Variants in ALG14 observed in about 807,000 individuals in gnomAD.
ALG14 encodes UDP-N-acetylglucosamine transferase subunit ALG14.
In ALG14, 17 loss-of-function variants were observed where a neutral mutation model predicts 22.8. The observed-to-expected ratio is 0.75, with a 90% confidence interval of 0.51 to 1.12. ALG14 has a LOEUF of 1.12. Ranked by LOEUF, ALG14 falls within the 50% of genes most tolerant of loss-of-function variation. The pLI is 0.00. For missense variants in ALG14, 288 were observed against 271.8 expected (o/e 1.06, Z -0.42); for synonymous variants, 89 against 103.7 (o/e 0.86, Z 0.86).
intron 3 of ALG14, among the ~76,000 whole-genome samples, chr1:94,986,111 A>G (rs749632088): frequency 7.2e-5 from 11 of 152,258 alleles, no homozygotes; most frequent in Non-Finnish European, 1.3e-4. Flanking sequence ...GTTAAATGAT[A>G]TAATGATTGG....
Position 94,983,220 on chromosome 1 carries a change from A to G in ALG14, c.507T>C (p.Ile169=). ...CACGGCAGATGCTTTCAACGTAGAC[A>G]ATGATCACTTTCTTTATTCCTAGTA... ...LGILGIKKVI[I]VYVESICRVE... Residue 169 remains isoleucine, a synonymous_variant, in exon 4 of 4, where the codon ATT becomes ATC. Coordinates refer to ENST00000370205, the MANE Select transcript of ALG14 (RefSeq NM_144988.4). 3 of 1,614,170 alleles carry G rather than the reference A, an allele frequency of 1.9e-6. No individual in the cohort carries two copies. Among genetic ancestry groups the G allele is most frequent in the East Asian group, 2.2e-5 (1 of 44,880 alleles).
At chr1:94,989,632 C>T (rs961367403) in intron 3 of ALG14, among the ~76,000 whole-genome samples, 2 of 152,214 alleles carry the variant, frequency 1.3e-5, no homozygotes, top group East Asian at 1.9e-4. Context: ...CCAGCTGCAG[C>T]GTTCACTGTC....
chr1:95,019,541 G>A (rs1673596163), intron 3 of ALG14, among the ~76,000 whole-genome samples: 1 of 152,120 alleles, frequency 6.6e-6, no homozygotes, highest in Non-Finnish European at 1.5e-5. Flanking sequence ...ATAATTATTT[G>A]CCCATGTATC....
At chr1:95,000,620 C>T (rs75083550) in intron 3 of ALG14, among the ~76,000 whole-genome samples, 43 of 149,934 alleles carry the variant, frequency 2.9e-4, no homozygotes, top group Non-Finnish European at 6.2e-4. Context: ...ACCAGTTGTG[C>T]ACTTCTAAAG....
Position 95,001,146 on chromosome 1 carries a change from C to T in ALG14, c.421-17840G>A, listed in dbSNP as rs28673678. ...CCGTGGAGGGAAGGGAATTTCCAAG[C>T]CCCAGGTGGGAAGAGTACAGTCTCT... is the stretch of plus-strand genomic sequence containing the variant. On this transcript the variant is annotated intron_variant, in intron 3 of 3. Transcript: ENST00000370205. 3.2e-3 allele frequency among the ~76,000 whole-genome samples: 485 copies of T among 152,276 alleles called. 1 individual carries two copies. Among genetic ancestry groups the T allele is most frequent in the African/African-American group, 0.011 (468 of 41,556 alleles).
intron 3 of ALG14, among the ~76,000 whole-genome samples, chr1:94,995,267 ATG>A (rs919662167): frequency 3.9e-5 from 6 of 152,206 alleles, no homozygotes; most frequent in African/African-American, 1.4e-4. Flanking sequence ...GATTCTGTGC[ATG>A]TGTGTGTGTT....
rs189834753 is a variant in ALG14, at chr1:95,053,281, T to A, written c.288+11585A>T. 2.9e-3 allele frequency among the ~76,000 whole-genome samples: 434 copies of A among 152,056 alleles called. 1 individual carries two copies. The highest frequency in any genetic ancestry group is 3.7e-3 in the Non-Finnish European group (250 of 67,960). On this transcript the variant is annotated intron_variant, in intron 2 of 3. Transcript: ENST00000370205. Reference sequence around the variant, plus strand: ...ATGTTAGATAAAATAGATTTTTTTTTAAAAAAAGCATTATTAGGGATAAAA... The same window carrying A: ...ATGTTAGATAAAATAGATTTTTTTTAAAAAAAAGCATTATTAGGGATAAAA...
chr1:95,051,387 G>A (rs1432982595), intron 2 of ALG14, among the ~76,000 whole-genome samples: 4 of 151,932 alleles, frequency 2.6e-5, no homozygotes, highest in South Asian at 2.1e-4. Context: ...TCCTTCTCCC[G>A]CATCCACTCC....
At chr1:95,024,826 C>T (rs1673766384) in intron 3 of ALG14, among the ~76,000 whole-genome samples, 1 of 152,174 alleles carries the variant, frequency 6.6e-6, no homozygotes, top group Admixed American at 6.5e-5. Flanking sequence ...CTACTTCCAT[C>T]ACCTCTGCAA....
At position 94,983,231 on chromosome 1, in the gene ALG14, T is replaced by C; in HGVS notation, c.496A>G (p.Lys166Glu). ...CTTTCAACGTAGACAATGATCACTT[T>C]CTTTATTCCTAGTATCCCAAGGAGA... Reference protein sequence around the residue: ...ALLLGILGIKKVIIVYVESIC... With the variant: ...ALLLGILGIKEVIIVYVESIC... Residue 166 changes from lysine (K) to glutamate (E), a missense_variant, in exon 4 of 4, where the codon AAA (lysine) becomes GAA (glutamate). Physicochemically the swap from Lys to Glu is moderately conservative, Grantham distance 56. Coordinates refer to ENST00000370205, the MANE Select transcript of ALG14 (RefSeq NM_144988.4). 1 of 1,614,194 alleles carries C rather than the reference T, an allele frequency of 6.2e-7. No individual in the cohort carries two copies. Among genetic ancestry groups the C allele is most frequent in the Non-Finnish European group, 8.5e-7 (1 of 1,180,030 alleles).
chr1:95,008,757 A>G (rs1207175131), intron 3 of ALG14, among the ~76,000 whole-genome samples: 1 of 152,160 alleles, frequency 6.6e-6, no homozygotes. Flanking sequence ...TAATTGTGCT[A>G]TCCATTTCTA....
At chr1:95,009,623 G>T (rs917824390) in intron 3 of ALG14, among the ~76,000 whole-genome samples, 1 of 152,068 alleles carries the variant, frequency 6.6e-6, no homozygotes, top group African/African-American at 2.4e-5. Context: ...CAAAATAATT[G>T]ATCAGTATTC....
chr1:95,051,686 A>G (rs1450838621), intron 2 of ALG14, among the ~76,000 whole-genome samples: 3 of 152,146 alleles, frequency 2.0e-5, no homozygotes, highest in Admixed American at 2.0e-4. Context: ...CTTTGGCTAC[A>G]TGGACTCTCG....
In ALG14 at chr1:95,030,752, A is replaced by G. The variant is rs148713969; in HGVS notation, c.289-3492T>C. Among the ~76,000 whole-genome samples, 1,082 of 152,298 alleles carry G rather than the reference A, an allele frequency of 7.1e-3. 10 individuals are homozygous for G. Among genetic ancestry groups the G allele is most frequent in the African/African-American group, 0.024 (1,008 of 41,566 alleles). The stretch of plus-strand genomic sequence containing the variant: ...TGCAAGAGCGTCTGGGGCTGGAGAT[A>G]GCTTTCCTAGACCTGGACGTGGAAG... On this transcript the variant is annotated intron_variant, in intron 2 of 3. Coordinates refer to ENST00000370205, the MANE Select transcript of ALG14 (RefSeq NM_144988.4).
At chr1:95,066,815 C>T in intron 1 of ALG14, among the ~76,000 whole-genome samples, 1 of 151,938 alleles carries the variant, frequency 6.6e-6, no homozygotes, top group East Asian at 1.9e-4. Context: ...AGGAGAATCA[C>T]CTGAGACTGC....
At position 94,976,956 on chromosome 1, in the gene ALG14, GGA is replaced by G. The variant is rs1185490299; in HGVS notation, c.*6118_*6119del. The stretch of plus-strand genomic sequence containing the variant: ...GCCACCACAAATCCTACAACTGCAA[GGA>G]ACTGAATTCTGCCAACAACCATCTG... On this transcript the variant is annotated 3_prime_UTR_variant, in exon 4 of 4. Transcript: ENST00000370205. 1 of 152,182 alleles carries G rather than the reference GGA, an allele frequency of 6.6e-6. No homozygotes were observed. Among genetic ancestry groups the G allele is most frequent in the Non-Finnish European group, 1.5e-5 (1 of 68,040 alleles). The allele number at this position is 152,182 out of a possible 1,614,324, so 9.4% of individuals were successfully genotyped here. A position where few individuals can be genotyped will look rare whatever the true frequency, so the allele number is the denominator to read the frequency against.
At chr1:95,068,510 G>T in intron 1 of ALG14, among the ~76,000 whole-genome samples, 1 of 152,032 alleles carries the variant, frequency 6.6e-6, no homozygotes, top group East Asian at 1.9e-4. Flanking sequence ...GGCTGGTCTT[G>T]AACTCCTGAC....
chr1:95,001,427 T>C (rs763040224), intron 3 of ALG14, among the ~76,000 whole-genome samples: 3 of 152,234 alleles, frequency 2.0e-5, no homozygotes, highest in Non-Finnish European at 2.9e-5. Flanking sequence ...GGTGGCTGCA[T>C]ATATAAGCAT....
intron 3 of ALG14, among the ~76,000 whole-genome samples, chr1:95,006,977 C>T (rs1485550631): frequency 2.6e-5 from 4 of 152,148 alleles, no homozygotes; most frequent in South Asian, 2.1e-4. Flanking sequence ...TGCCTAGAAC[C>T]GAATGTGGCT....
Sources: gnomAD v4.1 joint callset for allele counts (sites outside exome capture counted in the v4.1 genomes callset) on GRCh38, gnomAD v4.1.1 for gene constraint, MANE v1.5 for transcripts, NCBI Gene and HGNC (gene_info 2026-07-23, HGNC 2026-07-21) for gene names.